TMEM178B: variants seen among roughly 807,000 people sequenced by gnomAD.
TMEM178B encodes transmembrane protein 178B.
TMEM178B carries 5 observed loss-of-function variants against 31.0 expected under a neutral mutation model. The observed-to-expected ratio is 0.16, with a 90% CI of 0.08 to 0.34. The LOEUF is 0.34. Among genes scored for constraint, TMEM178B ranks in the 10% least tolerant of loss-of-function variants. The pLI, the probability that TMEM178B is intolerant of heterozygous loss-of-function variation, is 1.00. For synonymous variants in TMEM178B, 164 were observed against 164.0 expected, an observed-to-expected ratio of 1.00 and a Z score of 0.00; for missense variants, 275 against 400.3, an observed-to-expected ratio of 0.69 and a Z score of 2.67.
At chr7:141,322,200 G>A (rs954134002) in intron 2 of TMEM178B, among the ~76,000 whole-genome samples, 2 of 152,030 alleles carry the variant, frequency 1.3e-5, no homozygotes, top group African/African-American at 4.8e-5. Context: ...ATGCCGAGGA[G>A]TATAACTTCA....
chr7:141,149,829 C>T (rs1000055125), intron 1 of TMEM178B, among the ~76,000 whole-genome samples: 3 of 152,218 alleles, frequency 2.0e-5, no homozygotes, highest in African/African-American at 4.8e-5. Context: ...GCCAACGTCT[C>T]GATTTTGTCC....
intron 1 of TMEM178B, among the ~76,000 whole-genome samples, chr7:141,195,630 G>T (rs1416879271): frequency 6.6e-6 from 1 of 152,134 alleles, no homozygotes; most frequent in Non-Finnish European, 1.5e-5. Flanking sequence ...TCCAGCCTCT[G>T]CCTATTACCC....
chr7:141,499,464 CAAAAAAAAA>C, the TMEM178B span, among the ~76,000 whole-genome samples: 40 of 50,706 alleles, frequency 7.9e-4, no homozygotes, highest in African/African-American at 2.1e-3. Context: ...CACATCTCTA[CAAAAAAAAA>C]AAAAAAAAAA....
At chr7:141,264,990 G>C (rs1272231666) in intron 2 of TMEM178B, among the ~76,000 whole-genome samples, 3 of 152,114 alleles carry the variant, frequency 2.0e-5, no homozygotes, top group Non-Finnish European at 2.9e-5. Flanking sequence ...ATCACTAATG[G>C]GGGAGATATT....
chr7:141,214,434 C>T (rs1458844555), intron 2 of TMEM178B, among the ~76,000 whole-genome samples: 1 of 152,102 alleles, frequency 6.6e-6, no homozygotes, highest in East Asian at 1.9e-4. Flanking sequence ...TGGGGAGAGA[C>T]ATTCATAATA....
At chr7:141,084,723 G>T (rs528782226) in intron 1 of TMEM178B, among the ~76,000 whole-genome samples, 9 of 152,234 alleles carry the variant, frequency 5.9e-5, no homozygotes, top group African/African-American at 2.2e-4. Context: ...TCCCCCAGAT[G>T]CCTGTCCTTC....
intron 2 of TMEM178B, among the ~76,000 whole-genome samples, chr7:141,247,279 C>G (rs1478241618): frequency 6.6e-6 from 1 of 152,138 alleles, no homozygotes; most frequent in African/African-American, 2.4e-5. Flanking sequence ...TATATATACA[C>G]AGATATAGAT....
At chr7:141,459,015 G>C (rs1206378497) in intron 3 of TMEM178B, among the ~76,000 whole-genome samples, 1 of 151,928 alleles carries the variant, frequency 6.6e-6, no homozygotes, top group Non-Finnish European at 1.5e-5. Context: ...ATGTTTTTTT[G>C]GTTTGTTTGT....
intron 2 of TMEM178B, among the ~76,000 whole-genome samples, chr7:141,371,007 A>C (rs1029146828): frequency 2.0e-5 from 3 of 152,242 alleles, no homozygotes; most frequent in Non-Finnish European, 2.9e-5. Context: ...TGACAGATGA[A>C]TGGGCACATG....
At chr7:141,380,116 C>T (rs115378461) in intron 2 of TMEM178B, among the ~76,000 whole-genome samples, 221 of 152,244 alleles carry the variant, frequency 1.5e-3, no homozygotes, top group African/African-American at 5.1e-3. Context: ...CATATTTCAG[C>T]GACAAAATGT....
At chr7:141,191,816 A>C (rs917036984) in intron 1 of TMEM178B, among the ~76,000 whole-genome samples, 1 of 152,132 alleles carries the variant, frequency 6.6e-6, no homozygotes, top group Non-Finnish European at 1.5e-5. Context: ...AGGTTTTGCT[A>C]TGTGAAATTT....
At chr7:141,278,315 C>T (rs1006702317) in intron 2 of TMEM178B, among the ~76,000 whole-genome samples, 2 of 152,198 alleles carry the variant, frequency 1.3e-5, no homozygotes, top group South Asian at 2.1e-4. Context: ...GGCACGGTGG[C>T]TCGCACCTGT....
In TMEM178B at chr7:141,278,837, C is replaced by T. The variant is rs186713110; in HGVS notation, c.496+66133C>T. Reference sequence around the variant, plus strand: ...CTGAAGGGTGAAATTTAAGAATAATCGTGTAGAAGAAAAGTTCCAACGGGC... The same window carrying T: ...CTGAAGGGTGAAATTTAAGAATAATTGTGTAGAAGAAAAGTTCCAACGGGC... On this transcript the variant is annotated intron_variant, in intron 2 of 3. Transcript: ENST00000565468. Among the ~76,000 whole-genome samples the T allele has an allele frequency of 7.9e-5, 12 of 152,128 alleles. No individual in the cohort carries two copies. In the East Asian group the frequency reaches 2.1e-3, roughly 27 times the overall value.
intron 2 of TMEM178B, among the ~76,000 whole-genome samples, chr7:141,250,820 A>T (rs977793947): frequency 5.3e-5 from 8 of 152,188 alleles, no homozygotes; most frequent in African/African-American, 1.7e-4. Context: ...TTGTTTGCCC[A>T]AGCCTTTTTC....
intron 2 of TMEM178B, among the ~76,000 whole-genome samples, chr7:141,295,172 G>C (rs1380887385): frequency 6.6e-6 from 1 of 152,222 alleles, no homozygotes; most frequent in African/African-American, 2.4e-5. Context: ...CTGCTATTCT[G>C]TGGGAGGTCC....
intron 1 of TMEM178B, among the ~76,000 whole-genome samples, chr7:141,164,188 T>C (rs1161014771): frequency 1.3e-5 from 2 of 152,366 alleles, no homozygotes; most frequent in African/African-American, 2.4e-5. Flanking sequence ...ATTTTTAATA[T>C]GTGAGTCTTT....
intron 2 of TMEM178B, among the ~76,000 whole-genome samples, chr7:141,354,427 A>T (rs1799784632): frequency 6.6e-6 from 1 of 151,514 alleles, no homozygotes; most frequent in African/African-American, 2.4e-5. Flanking sequence ...CAACTCTGAA[A>T]CCTCAAATTT....
intron 2 of TMEM178B, among the ~76,000 whole-genome samples, chr7:141,218,516 G>C (rs1797198799): frequency 6.6e-6 from 1 of 152,180 alleles, no homozygotes; most frequent in Admixed American, 6.5e-5. Flanking sequence ...CACTGCCTGT[G>C]GGTTGGCTCA....
At chr7:141,369,355 G>GTA (rs1380655467) in intron 2 of TMEM178B, among the ~76,000 whole-genome samples, 1 of 134,216 alleles carries the variant, frequency 7.5e-6, no homozygotes, top group East Asian at 2.2e-4. Flanking sequence ...GTGTGTGTGT[G>GTA]TGTATGTGTG....
Sources: allele counts gnomAD v4.1 joint callset (sites outside exome capture counted in the v4.1 genomes callset), GRCh38; gene constraint gnomAD v4.1.1; transcripts MANE v1.5; gene names NCBI Gene and HGNC (gene_info 2026-07-23, HGNC 2026-07-21).